OSBPL10: variants seen among roughly 807,000 people sequenced by gnomAD.
The protein encoded by OSBPL10 is oxysterol-binding protein-related protein 10.
OSBPL10 carries 49 observed loss-of-function variants against 81.7 expected under a neutral mutation model. The observed-to-expected ratio is 0.60, with a 90% CI of 0.48 to 0.76. The LOEUF (loss-of-function observed/expected upper bound fraction) is 0.76, where lower values mean the gene tolerates loss of function less well. Among genes scored for constraint, OSBPL10 ranks in the 30% least tolerant of loss-of-function variants. OSBPL10 has a pLI of 0.00. For synonymous variants in OSBPL10, 419 were observed against 383.6 expected, an observed-to-expected ratio of 1.09 and a Z score of -1.08; for missense variants, 923 against 987.8, an observed-to-expected ratio of 0.93 and a Z score of 0.88.
chr3:31,958,026 T>C (rs1698059878), intron 1 of OSBPL10, among the ~76,000 whole-genome samples: 1 of 152,212 alleles, frequency 6.6e-6, no homozygotes, highest in Non-Finnish European at 1.5e-5. Context: ...GTTTATTGTG[T>C]GTGCACCAGC....
Position 31,748,055 on chromosome 3 carries a change from G to A in OSBPL10, c.795C>T (p.Ser265=), listed in dbSNP as rs201712499. 71 of 1,614,128 alleles carry A rather than the reference G, an allele frequency of 4.4e-5. No individual in the cohort carries two copies. The East Asian group carries it at 1.0e-3, about 23-fold the overall frequency. ...CCTGGTCCAAGGCAGTGAGGGGGCC[G>A]GACCCTGGCAGGGACTCAATGGCGT... The part of the protein sequence containing the change: ...LVHAIESLPG[S]GPLTALDQDL... Residue 265 remains serine, a synonymous_variant, in exon 5 of 12, where the codon TCC becomes TCT. Transcript: ENST00000396556.
At chr3:31,883,364 C>T (rs1695642814) in intron 1 of OSBPL10, among the ~76,000 whole-genome samples, 1 of 152,032 alleles carries the variant, frequency 6.6e-6, no homozygotes, top group East Asian at 1.9e-4. Context: ...CTCAGCCTCC[C>T]CAAGTAGCTG....
chr3:31,873,799 C>CT (rs1701387711), intron 3 of OSBPL10, among the ~76,000 whole-genome samples: 1 of 152,160 alleles, frequency 6.6e-6, no homozygotes, highest in South Asian at 2.1e-4. Context: ...AGTTTATATT[C>CT]ACTTTGAGCC....
rs571600417 is a variant in OSBPL10, at chr3:32,035,450, T to C, written n.298+11041A>G. Among the ~76,000 whole-genome samples, 7 of 150,518 alleles carry C rather than the reference T, an allele frequency of 4.7e-5. No individual in the cohort carries two copies. In the South Asian group the frequency reaches 8.4e-4, roughly 18 times the overall value. Reference sequence around the variant, plus strand: ...GGTGGTGCACGCCTGTAATCCTAGCTACTCAGGAAGCTGAGGCAGGAGAAT... The same window carrying C: ...GGTGGTGCACGCCTGTAATCCTAGCCACTCAGGAAGCTGAGGCAGGAGAAT... On this transcript the variant is annotated intron_variant and non_coding_transcript_variant, in intron 2 of 3. Coordinates refer to the OSBPL10 transcript ENST00000479173.
chr3:31,910,527 T>C (rs546505342), intron 1 of OSBPL10, among the ~76,000 whole-genome samples: 2 of 152,034 alleles, frequency 1.3e-5, no homozygotes, highest in East Asian at 3.9e-4. Flanking sequence ...TCCCAGCTAC[T>C]TGGGAGCCTG....
intron 6 of OSBPL10, among the ~76,000 whole-genome samples, chr3:31,730,528 A>G (rs1696942929): frequency 6.6e-6 from 1 of 152,190 alleles, no homozygotes; most frequent in South Asian, 2.1e-4. Flanking sequence ...TTTTACTAAT[A>G]GGTAAAACCA....
At chr3:32,052,968 A>AT (rs149444267) in intron 1 of OSBPL10, among the ~76,000 whole-genome samples, 5,206 of 68,308 alleles carry the variant, frequency 0.076, 292 homozygotes, top group African/African-American at 0.16. Context: ...TTACAGAACA[A>AT]TCAAAAAAAA....
At chr3:31,738,895 G>A (rs1697264748) in intron 5 of OSBPL10, among the ~76,000 whole-genome samples, 1 of 151,902 alleles carries the variant, frequency 6.6e-6, no homozygotes, top group South Asian at 2.1e-4. Context: ...AAGAAATGGG[G>A]ATGTCATATA....
chr3:31,997,467 G>A (rs1699101137), intron 2 of OSBPL10, among the ~76,000 whole-genome samples: 1 of 151,812 alleles, frequency 6.6e-6, no homozygotes, highest in Non-Finnish European at 1.5e-5. Context: ...GTTTCACCAT[G>A]TTGGCCAGGA....
chr3:31,747,532 G>T (rs953722992), intron 5 of OSBPL10, among the ~76,000 whole-genome samples: 1 of 145,470 alleles, frequency 6.9e-6, no homozygotes, highest in Non-Finnish European at 1.5e-5. Context: ...GAGTGCAAAC[G>T]TCATGAGTGG....
At chr3:32,042,961 G>C (rs1211323942) in intron 2 of OSBPL10, among the ~76,000 whole-genome samples, 2 of 152,174 alleles carry the variant, frequency 1.3e-5, no homozygotes, top group Non-Finnish European at 2.9e-5. Flanking sequence ...GTTCAGCAGT[G>C]CAAGTATTGT....
At chr3:31,689,505 A>G (rs1367570176) in intron 7 of OSBPL10, among the ~76,000 whole-genome samples, 4 of 152,238 alleles carry the variant, frequency 2.6e-5, no homozygotes, top group Admixed American at 2.6e-4. Context: ...TAAAATGGTT[A>G]ATCAAAAAAT....
chr3:31,868,601 C>G (rs1701240489), intron 3 of OSBPL10, among the ~76,000 whole-genome samples: 1 of 152,004 alleles, frequency 6.6e-6, no homozygotes, highest in Admixed American at 6.6e-5. Flanking sequence ...ACTTCGTGTA[C>G]AAGTCATCTC....
At chr3:31,828,292 G>A (rs1376224959) in intron 4 of OSBPL10, among the ~76,000 whole-genome samples, 2 of 152,016 alleles carry the variant, frequency 1.3e-5, no homozygotes, top group East Asian at 3.9e-4. Context: ...AAATACTCTA[G>A]CAGGAAAAAT....
At chr3:31,958,675 T>C (rs894542977) in intron 1 of OSBPL10, among the ~76,000 whole-genome samples, 1 of 152,220 alleles carries the variant, frequency 6.6e-6, no homozygotes, top group Non-Finnish European at 1.5e-5. Flanking sequence ...ATGTTCTGAA[T>C]ACTGGATTCT....
At chr3:31,926,288 T>TGCCCCCC (rs1697071327) in intron 1 of OSBPL10, among the ~76,000 whole-genome samples, 1 of 88,148 alleles carries the variant, frequency 1.1e-5, no homozygotes, top group Non-Finnish European at 2.2e-5. Flanking sequence ...TGGGTGATTT[T>TGCCCCCC]GCCCCCCCAG....
At chr3:31,820,123 A>G (rs77135892) in intron 4 of OSBPL10, among the ~76,000 whole-genome samples, 1,762 of 152,284 alleles carry the variant, frequency 0.012, 34 homozygotes, top group African/African-American at 0.04. Flanking sequence ...TAATATAGGG[A>G]AAATAATAGT....
chr3:31,694,430 T>C (rs1356657330), intron 7 of OSBPL10, among the ~76,000 whole-genome samples: 1 of 147,630 alleles, frequency 6.8e-6, no homozygotes, highest in African/African-American at 2.5e-5. Flanking sequence ...ATTATCCATA[T>C]ATCTTATATT....
At chr3:31,935,513 G>T in intron 1 of OSBPL10, among the ~76,000 whole-genome samples, 1 of 130,842 alleles carries the variant, frequency 7.6e-6, no homozygotes. Flanking sequence ...CTATGAAATA[G>T]ATTTTTTTTT....
Sources: allele counts gnomAD v4.1 joint callset (sites outside exome capture counted in the v4.1 genomes callset), GRCh38; gene constraint gnomAD v4.1.1; transcripts MANE v1.5; gene names NCBI Gene and HGNC (gene_info 2026-07-23, HGNC 2026-07-21).